TMCO4: variants seen among roughly 807,000 people sequenced by gnomAD.
TMCO4 encodes transmembrane and coiled-coil domain-containing protein 4.
In TMCO4, 58 loss-of-function variants were observed where a neutral mutation model predicts 64.7. The ratio of observed to expected loss-of-function variants is 0.90; its 90% CI spans 0.73 to 1.12. TMCO4 has a LOEUF of 1.12. Ranked by LOEUF, TMCO4 falls within the 50% of genes most tolerant of loss-of-function variation. The pLI, the probability that TMCO4 is intolerant of heterozygous loss-of-function variation, is 0.00. For missense variants in TMCO4, 780 were observed against 825.9 expected (o/e 0.94, Z 0.68); for synonymous variants, 325 against 346.1 (o/e 0.94, Z 0.68).
intron 13 of TMCO4, among the ~76,000 whole-genome samples, chr1:19,729,175 A>G (rs2095420054): frequency 6.6e-6 from 1 of 151,940 alleles, no homozygotes; most frequent in African/African-American, 2.4e-5. Context: ...TTTGAGACAG[A>G]ATCTTGCTGT....
intron 10 of TMCO4, among the ~76,000 whole-genome samples, chr1:19,744,156 G>T (rs1174581070): frequency 6.6e-6 from 1 of 152,064 alleles, no homozygotes; most frequent in Non-Finnish European, 1.5e-5. Context: ...GTCAGGTTGG[G>T]ACGTTTAGGA....
chr1:19,740,799 G>A lies in TMCO4; in HGVS notation c.1020C>T (p.Ala340=), dbSNP rs1361530311. The part of the protein sequence containing the change: ...SGLANMVAQE[A]LKYTVLSGIV... The stretch of plus-strand genomic sequence containing the variant: ...TACCAGACAACACTGTGTACTTTAG[G>A]GCCTCCTGGGCCACCATGTTGGCGA... Residue 340 remains alanine (A), a synonymous_variant, in exon 11 of 16, where the codon GCC becomes GCT. Coordinates refer to ENST00000294543, the MANE Select transcript of TMCO4 (RefSeq NM_181719.7). 1 of 1,613,036 alleles carries A rather than the reference G, an allele frequency of 6.2e-7. No homozygotes were observed. Among genetic ancestry groups the A allele is most frequent in the Non-Finnish European group, 8.5e-7 (1 of 1,179,568 alleles).
chr1:19,707,699 G>A (rs1021790500), intron 13 of TMCO4, among the ~76,000 whole-genome samples: 27 of 152,220 alleles, frequency 1.8e-4, no homozygotes, highest in African/African-American at 6.3e-4. Flanking sequence ...AGCCTTCTCG[G>A]TTGTATTAGT....
Position 19,682,245 on chromosome 1 carries a change from C to A in TMCO4, c.*795G>T, listed in dbSNP as rs569865211. On this transcript the variant is annotated 3_prime_UTR_variant, in exon 16 of 16. Coordinates refer to ENST00000294543, the MANE Select transcript of TMCO4 (RefSeq NM_181719.7). ...CATGCTCAAGAAGTGGTAGCTTCTT[C>A]TTATTATTATTTATTGCTGTTGTTA... The A allele has an allele frequency of 7.2e-5, 14 of 193,296 alleles. No individual in the cohort carries two copies. The highest frequency in any genetic ancestry group is 1.3e-4 in the South Asian group (1 of 7,688). The allele number at this position is 193,296 out of a possible 1,614,324, so 12.0% of individuals were successfully genotyped here.
At chr1:19,740,985 G>A in intron 10 of TMCO4, 44 bp from the exon 11 acceptor site, 1 of 1,547,278 alleles carries the variant, frequency 6.5e-7, no homozygotes, top group Non-Finnish European at 8.7e-7. Context: ...GTCTATGGCA[G>A]AGGATGCCCC....
chr1:19,705,523 TA>T (rs899605756), intron 13 of TMCO4, among the ~76,000 whole-genome samples: 1 of 147,450 alleles, frequency 6.8e-6, no homozygotes, highest in Admixed American at 6.7e-5. Flanking sequence ...GATAAAAAAA[TA>T]AAAAAAAGAA....
chr1:19,745,786 T>C, intron 9 of TMCO4, 135 bp from the exon 10 acceptor site: 1 of 1,216,432 alleles, frequency 8.2e-7, no homozygotes, highest in Non-Finnish European at 1.1e-6. Context: ...ACATTTTGTG[T>C]TTGAACTCAT....
chr1:19,727,043 T>C (rs1031739456), intron 13 of TMCO4, among the ~76,000 whole-genome samples: 7 of 152,108 alleles, frequency 4.6e-5, no homozygotes, highest in Admixed American at 3.9e-4. Flanking sequence ...GGATGACGCA[T>C]GGTAGAGCTG....
chr1:19,721,042 C>G (rs2095380320), intron 13 of TMCO4, among the ~76,000 whole-genome samples: 1 of 152,170 alleles, frequency 6.6e-6, no homozygotes, highest in African/African-American at 2.4e-5. Context: ...GTTTTCTTCT[C>G]CGGTTGGAAT....
intron 4 of TMCO4, among the ~76,000 whole-genome samples, chr1:19,775,807 G>A (rs1343963505): frequency 6.6e-6 from 1 of 152,216 alleles, no homozygotes; most frequent in Non-Finnish European, 1.5e-5. Flanking sequence ...TTAGAGGGTT[G>A]CTTTTATATC....
In TMCO4 at chr1:19,755,642, C is replaced by G; in HGVS notation, c.507G>C (p.Glu169Asp). 1 of 1,613,998 alleles carries G rather than the reference C, an allele frequency of 6.2e-7. No individual in the cohort carries two copies. Among genetic ancestry groups the G allele is most frequent in the Non-Finnish European group, 8.5e-7 (1 of 1,179,962 alleles). The change falls in exon 7 of 16, where the codon GAG becomes GAC. Residue 169 changes from glutamate to aspartate, a missense_variant. Transcript: ENST00000294543. Reference sequence around the variant, plus strand: ...TCGCGGGGCTCTCTTACTCAGATTCCTCTTCTTTGATTTCCTTCAGGCTCT... The same window carrying G: ...TCGCGGGGCTCTCTTACTCAGATTCGTCTTCTTTGATTTCCTTCAGGCTCT... ...FLESLKEIKEEESEMAEASRK... is the reference protein window; with the variant it reads ...FLESLKEIKEDESEMAEASRK...
At chr1:19,796,500 T>C (rs1467504985) in intron 2 of TMCO4, among the ~76,000 whole-genome samples, 3 of 152,110 alleles carry the variant, frequency 2.0e-5, no homozygotes, top group Non-Finnish European at 4.4e-5. Flanking sequence ...AATTAATATT[T>C]TCGTTATTCA....
At chr1:19,715,270 C>A (rs919068087) in intron 13 of TMCO4, among the ~76,000 whole-genome samples, 1 of 152,166 alleles carries the variant, frequency 6.6e-6, no homozygotes, top group African/African-American at 2.4e-5. Context: ...GAGACAGGGT[C>A]TCACTGTATA....
In TMCO4 at chr1:19,695,908, C is replaced by T. The variant is rs539607027; in HGVS notation, c.1383-1357G>A. ...GTAGAAACCAATGTCTTGGGTGCCT[C>T]CTCCCTATGGCCAACGTATCAGAGT... is the stretch of plus-strand genomic sequence containing the variant. On this transcript the variant is annotated intron_variant, in intron 14 of 15. Coordinates refer to ENST00000294543, the MANE Select transcript of TMCO4 (RefSeq NM_181719.7). Among the ~76,000 whole-genome samples the T allele has an allele frequency of 5.9e-5, 9 of 152,282 alleles. No individual in the cohort carries two copies. In the East Asian group the frequency reaches 1.7e-3, roughly 29 times the overall value.
chr1:19,778,673 T>C (rs2043321548), intron 4 of TMCO4, among the ~76,000 whole-genome samples: 3 of 152,168 alleles, frequency 2.0e-5, no homozygotes, highest in African/African-American at 7.2e-5. Flanking sequence ...CTGCTCGAGG[T>C]CACATGAGAC....
intron 13 of TMCO4, among the ~76,000 whole-genome samples, chr1:19,702,971 G>C (rs1277923509): frequency 6.6e-6 from 1 of 152,174 alleles, no homozygotes; most frequent in African/African-American, 2.4e-5. Context: ...CCAATCCTCT[G>C]CTTTATTTTT....
Position 19,683,119 on chromosome 1 carries a change from C to A in TMCO4, c.1826G>T (p.Ser609Ile), listed in dbSNP as rs535804821. The change falls in exon 16 of 16, where the codon AGC (serine) becomes ATC (isoleucine). Residue 609 changes from serine (S) to isoleucine (I), a missense_variant. Coordinates refer to ENST00000294543, the MANE Select transcript of TMCO4 (RefSeq NM_181719.7). ...AASPERPPICSHGMDPNPLGC... is the reference protein window; with the variant it reads ...AASPERPPICIHGMDPNPLGC... ...CAGTGGGTTGGGGTCCATGCCATGG[C>A]TGCAGATGGGGGGCCTTTCAGGGCT... 15 of 1,613,292 alleles carry A rather than the reference C, an allele frequency of 9.3e-6. No homozygotes were observed. The South Asian group carries it at 1.5e-4, about 17-fold the overall frequency.
intron 8 of TMCO4, among the ~76,000 whole-genome samples, 153 bp from the exon 9 acceptor site, chr1:19,746,752 A>C (rs907770334): frequency 7.9e-5 from 12 of 151,860 alleles, no homozygotes; most frequent in African/African-American, 2.9e-4. Flanking sequence ...GTGAAACCTC[A>C]TCTCTACTAA....
chr1:19,793,735 A>G (rs114489742), intron 2 of TMCO4, among the ~76,000 whole-genome samples: 3,699 of 152,248 alleles, frequency 0.024, 66 homozygotes, highest in South Asian at 0.063. Flanking sequence ...GAGGGGCAGG[A>G]GGGTGGGGTG....
Sources: allele counts gnomAD v4.1 joint callset (sites outside exome capture counted in the v4.1 genomes callset), GRCh38; gene constraint gnomAD v4.1.1; transcripts MANE v1.5; gene names NCBI Gene and HGNC (gene_info 2026-07-23, HGNC 2026-07-21).